Variants in IGFBP5 observed in about 807,000 individuals in gnomAD.
IGFBP5 encodes the protein insulin like growth factor binding protein 5.
A neutral mutation model predicts 28.0 loss-of-function variants in IGFBP5; 12 were observed. The ratio of observed to expected loss-of-function variants is 0.43; its 90% CI spans 0.27 to 0.69. The LOEUF is 0.69. Among genes scored for constraint, IGFBP5 ranks in the 30% least tolerant of loss-of-function variants. IGFBP5 has a pLI of 0.20. For missense variants in IGFBP5, 344 were observed against 381.6 expected, an observed-to-expected ratio of 0.90 and a Z score of 0.82; for synonymous variants, 152 against 150.2, an observed-to-expected ratio of 1.01 and a Z score of -0.09.
chr2:216,678,686 T>A (rs1019610995), intron 2 of IGFBP5, 164 bp downstream of exon 2: 20 of 623,504 alleles, frequency 3.2e-5, no homozygotes, highest in Non-Finnish European at 5.3e-5. Context: ...CCCTGACAAG[T>A]GTATGCTCTG....
chr2:216,678,512 T>C (rs747587531), intron 2 of IGFBP5, among the ~76,000 whole-genome samples: 1 of 152,190 alleles, frequency 6.6e-6, no homozygotes, highest in Non-Finnish European at 1.5e-5. Flanking sequence ...AGTAACAATG[T>C]CCAGAGGTGC....
chr2:216,690,093 C>T (rs1349231496), intron 1 of IGFBP5, among the ~76,000 whole-genome samples: 4 of 152,186 alleles, frequency 2.6e-5, no homozygotes, highest in Non-Finnish European at 4.4e-5. Context: ...CCTACACTGC[C>T]ATCCTTGTTT....
intron 1 of IGFBP5, among the ~76,000 whole-genome samples, chr2:216,680,097 G>T (rs1041806478): frequency 2.2e-4 from 33 of 152,052 alleles, no homozygotes; most frequent in African/African-American, 7.5e-4. Context: ...AGCCTCAGAG[G>T]AACCAGAATG....
chr2:216,688,002 C>T (rs1370952023), intron 1 of IGFBP5, among the ~76,000 whole-genome samples: 2 of 152,138 alleles, frequency 1.3e-5, no homozygotes, highest in African/African-American at 2.4e-5. Flanking sequence ...AGAGTGGGGA[C>T]AGCAGTTGCC....
chr2:216,694,541 G>T lies in IGFBP5; in HGVS notation c.235C>A (p.Arg79Ser). The T allele has an allele frequency of 6.4e-7, 1 of 1,573,048 alleles. No homozygotes were observed. Residue 79 changes from arginine to serine, a missense_variant, in exon 1 of 4, where the codon CGC (arginine) becomes AGC (serine). Arg to Ser is a moderately radical substitution (Grantham distance 110). Coordinates refer to ENST00000233813, the MANE Select transcript of IGFBP5 (RefSeq NM_000599.4). This position sits in a 1 kb window ranked among gnomAD's most constrained non-coding sequence, Gnocchi z 5.2. ...VYTERCAQGL[R>S]CLPRQDEEKP... ...TCCTCGTCCTGCCGGGGGAGGCAGC[G>T]CAGCCCCTGGGCGCAGCGCTCGGTG...
intron 2 of IGFBP5, 34 bp downstream of exon 2, chr2:216,678,816 G>T: frequency 1.3e-6 from 2 of 1,562,898 alleles, no homozygotes; most frequent in Non-Finnish European, 1.8e-6. Flanking sequence ...AAGGTCAAAA[G>T]CTGGGAGGGA....
chr2:216,685,253 C>A (rs11575160), intron 1 of IGFBP5, among the ~76,000 whole-genome samples: 24 of 151,094 alleles, frequency 1.6e-4, no homozygotes, highest in African/African-American at 5.6e-4. Flanking sequence ...TACATTCCCC[C>A]CTGGGCAATA....
Position 216,672,781 on chromosome 2 carries a change from G to A in IGFBP5, c.*3970C>T, listed in dbSNP as rs751159170. ...AAAAGGATTTCAGGAGAGGAGGCCA[G>A]AGTCTGTGAAATGACTAAACTATAT... is the stretch of plus-strand genomic sequence containing the variant. On this transcript the variant is annotated 3_prime_UTR_variant, in exon 4 of 4. Transcript: ENST00000233813. 1.3e-5 allele frequency: 2 copies of A among 152,654 alleles called. No individual in the cohort carries two copies. The highest frequency in any genetic ancestry group is 2.9e-5 in the Non-Finnish European group (2 of 68,056). The allele number at this position is 152,654 out of a possible 1,614,324, so 9.5% of individuals were successfully genotyped here.
Position 216,682,735 on chromosome 2 carries a change from G to T in IGFBP5, c.338-3656C>A, listed in dbSNP as rs185997740. ...TTTTGTTTTTTTTTTTTGAGACAGA[G>T]TCTCCTTCTGTCGCCCAGGCTGGAG... On this transcript the variant is annotated intron_variant, in intron 1 of 3. Transcript: ENST00000233813. Among the ~76,000 whole-genome samples, 1,070 of 151,312 alleles carry T rather than the reference G, an allele frequency of 7.1e-3. 6 individuals carry two copies. The highest frequency in any genetic ancestry group is 0.011 in the Non-Finnish European group (759 of 67,794).
At position 216,694,593 on chromosome 2, in the gene IGFBP5, C is replaced by G; in HGVS notation, c.183G>C (p.Leu61=). The change falls in exon 1 of 4, where the codon CTG becomes CTC. Residue 61 remains leucine (L), a synonymous_variant. Coordinates refer to ENST00000233813, the MANE Select transcript of IGFBP5 (RefSeq NM_000599.4). The surrounding 1 kb of genome is among the most constrained non-coding windows in gnomAD (Gnocchi z 5.2). ...PGCGCCMTCA[L]AEGQSCGVYT... is the part of the protein sequence containing the mutation. ...AGACGCCGCACGACTGCCCCTCGGC[C>G]AGGGCGCAGGTCATGCAGCAGCCGC... 4 of 1,548,578 alleles carry G rather than the reference C, an allele frequency of 2.6e-6. No individual in the cohort carries two copies. Among genetic ancestry groups the G allele is most frequent in the Non-Finnish European group, 3.5e-6 (4 of 1,148,502 alleles).
At chr2:216,683,312 T>C (rs1689001017) in intron 1 of IGFBP5, among the ~76,000 whole-genome samples, 1 of 152,102 alleles carries the variant, frequency 6.6e-6, no homozygotes, top group Non-Finnish European at 1.5e-5. Flanking sequence ...AGGTGAGCCA[T>C]GATTGCTCCA....
intron 1 of IGFBP5, among the ~76,000 whole-genome samples, chr2:216,687,703 G>C (rs1689046878): frequency 1.3e-5 from 2 of 152,182 alleles, no homozygotes; most frequent in Admixed American, 1.3e-4. Flanking sequence ...AGGTAATGGT[G>C]GGGGGATAGG....
intron 2 of IGFBP5, 139 bp downstream of exon 2, chr2:216,678,711 A>T: frequency 1.5e-6 from 1 of 680,478 alleles, no homozygotes; most frequent in East Asian, 2.7e-5. Context: ...CTCTACTCCC[A>T]CGTCCTAAGC....
rs551854767 is a variant in IGFBP5 at position 216,672,257 on chromosome 2, A to G, written c.*4494T>C. On this transcript the variant is annotated 3_prime_UTR_variant, in exon 4 of 4. Coordinates refer to ENST00000233813, the MANE Select transcript of IGFBP5 (RefSeq NM_000599.4). ...TCCTTTGTTGGTTTTTTATTTCCTT[A>G]AGTACAAAATGCTAAACGGGAGCCG... 1.3e-5 allele frequency: 2 copies of G among 150,588 alleles called. No homozygotes were observed. The highest frequency in any genetic ancestry group is 4.9e-5 in the African/African-American group (2 of 41,010). The allele number at this position is 150,588 out of a possible 1,614,324, so 9.3% of individuals were successfully genotyped here. A position where few individuals can be genotyped will look rare whatever the true frequency, so the allele number is the denominator to read the frequency against.
Position 216,694,857 on chromosome 2 carries a change from A to G in IGFBP5, c.-82T>C, listed in dbSNP as rs901417708. ...ATAAAGGGGCCAAGAGGGCCCCCGGAGATTTTTTTGTTTTTGTTTTTGTTT... is the reference window on the plus strand; with the variant it reads ...ATAAAGGGGCCAAGAGGGCCCCCGGGGATTTTTTTGTTTTTGTTTTTGTTT... On this transcript the variant is annotated 5_prime_UTR_variant, in exon 1 of 4. Coordinates refer to ENST00000233813, the MANE Select transcript of IGFBP5 (RefSeq NM_000599.4). The surrounding 1 kb of genome is among the most constrained non-coding windows in gnomAD (Gnocchi z 5.2). 5.9e-6 allele frequency: 6 copies of G among 1,010,822 alleles called. No homozygotes were observed. The African/African-American group carries it at 1.0e-4, about 17-fold the overall frequency. The allele number at this position is 1,010,822 out of a possible 1,614,324, so 62.6% of individuals were successfully genotyped here.
rs889121398 is a variant in IGFBP5 at position 216,692,763 on chromosome 2, A to G, written c.337+1676T>C. On this transcript the variant is annotated intron_variant, in intron 1 of 3. Transcript: ENST00000233813. This position sits in a 1 kb window ranked among gnomAD's most constrained non-coding sequence, Gnocchi z 4.2. Reference sequence around the variant, plus strand: ...CCTTTTCCTCTTTTTGCAGGCTGCAACCTGCAAAAAGATCGACTTTTTGCA... The same window carrying G: ...CCTTTTCCTCTTTTTGCAGGCTGCAGCCTGCAAAAAGATCGACTTTTTGCA... Among the ~76,000 whole-genome samples the G allele has an allele frequency of 1.3e-5, 2 of 151,754 alleles. No homozygotes were observed. Among genetic ancestry groups the G allele is most frequent in the Non-Finnish European group, 2.9e-5 (2 of 67,884 alleles).
At position 216,685,056 on chromosome 2, in the gene IGFBP5, G is replaced by A. The variant is rs1272763639; in HGVS notation, c.338-5977C>T. ...CCCAGCACTTTGGGAGGCCAAGGAG[G>A]TTGGATCACAAGGTCAGGAGTTCGA... On this transcript the variant is annotated intron_variant, in intron 1 of 3. Coordinates refer to ENST00000233813, the MANE Select transcript of IGFBP5 (RefSeq NM_000599.4). Among the ~76,000 whole-genome samples, 3 of 152,244 alleles carry A rather than the reference G, an allele frequency of 2.0e-5. No homozygotes were observed. The East Asian group carries it at 5.8e-4, about 29-fold the overall frequency.
Position 216,679,689 on chromosome 2 carries a change from C to T in IGFBP5, c.338-610G>A, listed in dbSNP as rs757874629. ...GTCTGGAGCAGCAGGGTGGTGAGGA[C>T]CTTCATAAGCGGCAGGAGGAGGGGA... On this transcript the variant is annotated intron_variant, in intron 1 of 3. Transcript: ENST00000233813. This position sits in a 1 kb window ranked among gnomAD's most constrained non-coding sequence, Gnocchi z 4.6. 3.3e-5 allele frequency among the ~76,000 whole-genome samples: 5 copies of T among 152,006 alleles called. No homozygotes were observed. Among genetic ancestry groups the T allele is most frequent in the Non-Finnish European group, 7.4e-5 (5 of 68,004 alleles).
chr2:216,684,847 T>A (rs1349636167), intron 1 of IGFBP5, among the ~76,000 whole-genome samples: 3 of 152,230 alleles, frequency 2.0e-5, no homozygotes, highest in Non-Finnish European at 4.4e-5. Context: ...GGAGGTTATC[T>A]CATCCATGCT....
Sources: gnomAD v4.1 joint callset for allele counts (sites outside exome capture counted in the v4.1 genomes callset) on GRCh38, gnomAD v4.1.1 for gene constraint, Gnocchi (gnomAD v3.1) non-coding constraint, MANE v1.5 for transcripts, NCBI Gene and HGNC (gene_info 2026-07-23, HGNC 2026-07-21) for gene names.